Variants in FSTL5 observed in about 807,000 individuals in gnomAD.
FSTL5 encodes the protein follistatin-related protein 5.
A neutral mutation model predicts 89.1 loss-of-function variants in FSTL5; 62 were observed. That is an observed-to-expected ratio of 0.70 (90% CI 0.57 to 0.86). The LOEUF is 0.86. FSTL5 is among the 40% of genes least tolerant of loss of function. The pLI is 0.00. For missense variants in FSTL5, 1,057 were observed against 1,001.6 expected, an observed-to-expected ratio of 1.06 and a Z score of -0.75; for synonymous variants, 383 against 346.2, an observed-to-expected ratio of 1.11 and a Z score of -1.18.
chr4:161,908,421 T>C (rs1342132723), intron 4 of FSTL5, among the ~76,000 whole-genome samples: 6 of 152,148 alleles, frequency 3.9e-5, no homozygotes, highest in African/African-American at 7.2e-5. Context: ...TGTAGCACTT[T>C]GAGCATTTAT....
In FSTL5 at chr4:161,448,643, G is replaced by C. The variant is rs571634264; in HGVS notation, c.1841+6361C>G. Among the ~76,000 whole-genome samples the C allele has an allele frequency of 3.3e-3, 506 of 152,268 alleles. 2 individuals are homozygous for C. Among genetic ancestry groups the C allele is most frequent in the Admixed American group, 6.3e-3 (96 of 15,288 alleles). Reference sequence around the variant, plus strand: ...ATAGACCACTCTCCAGACTGCCGGAGCGGTGTCCGCTACTTACTCTCTCAT... The same window carrying C: ...ATAGACCACTCTCCAGACTGCCGGACCGGTGTCCGCTACTTACTCTCTCAT... On this transcript the variant is annotated intron_variant, in intron 15 of 15. Coordinates refer to ENST00000306100, the MANE Select transcript of FSTL5 (RefSeq NM_020116.5).
chr4:161,936,086 A>G (rs1286788973), intron 3 of FSTL5, among the ~76,000 whole-genome samples: 1 of 152,144 alleles, frequency 6.6e-6, no homozygotes, highest in East Asian at 1.9e-4. Context: ...AGGCTGAGGC[A>G]TGAGATTCGC....
chr4:161,911,154 T>C (rs1035274405), intron 4 of FSTL5, among the ~76,000 whole-genome samples: 8 of 152,176 alleles, frequency 5.3e-5, no homozygotes, highest in Non-Finnish European at 8.8e-5. Flanking sequence ...AAAGTCATTA[T>C]TGATTTATGT....
intron 10 of FSTL5, among the ~76,000 whole-genome samples, chr4:161,511,938 G>A (rs936452095): frequency 6.6e-6 from 1 of 151,940 alleles, no homozygotes; most frequent in Non-Finnish European, 1.5e-5. Flanking sequence ...CGGTGTAGGG[G>A]GCTAGAGAGG....
chr4:161,674,372 T>A (rs778639160), intron 6 of FSTL5, among the ~76,000 whole-genome samples: 20 of 152,108 alleles, frequency 1.3e-4, no homozygotes, highest in Non-Finnish European at 2.9e-4. Flanking sequence ...GCAAGTTATG[T>A]ACAGAATAAA....
intron 3 of FSTL5, among the ~76,000 whole-genome samples, chr4:161,962,256 A>G (rs1735202384): frequency 1.3e-5 from 2 of 152,004 alleles, no homozygotes; most frequent in Admixed American, 6.6e-5. Flanking sequence ...TATAAACATT[A>G]GTAAGATTGT....
Position 161,721,049 on chromosome 4 carries a change from C to T in FSTL5, c.727+38362G>A, listed in dbSNP as rs549768387. Among the ~76,000 whole-genome samples the T allele has an allele frequency of 1.8e-3, 270 of 151,810 alleles. 7 individuals are homozygous for T. The highest frequency in any genetic ancestry group is 4.1e-3 in the East Asian group (21 of 5,148). ...ATCCCAGCACTTTGGGAGGCTGAGG[C>T]GGGTGGATCATGAGGTCAGGAGATC... On this transcript the variant is annotated intron_variant, in intron 6 of 15. Transcript: ENST00000306100.
At chr4:161,778,381 T>A (rs1741499587) in intron 4 of FSTL5, among the ~76,000 whole-genome samples, 1 of 152,204 alleles carries the variant, frequency 6.6e-6, no homozygotes, top group Non-Finnish European at 1.5e-5. Flanking sequence ...ACTTTATAAT[T>A]ATGATCAATT....
chr4:161,662,110 T>A (rs1210006124), intron 6 of FSTL5, among the ~76,000 whole-genome samples: 2 of 152,142 alleles, frequency 1.3e-5, no homozygotes, highest in Non-Finnish European at 2.9e-5. Context: ...ATGGAGTGTG[T>A]CCATCTCTGT....
chr4:161,776,116 A>G (rs769657192), intron 4 of FSTL5, 42 bp from the exon 5 acceptor site: 1 of 981,528 alleles, frequency 1.0e-6, no homozygotes, highest in African/African-American at 1.7e-5. Context: ...ATATTATTGA[A>G]AAGAAATAGT....
At chr4:161,474,585 G>A (rs1452452009) in intron 13 of FSTL5, among the ~76,000 whole-genome samples, 5 of 146,942 alleles carry the variant, frequency 3.4e-5, no homozygotes, top group South Asian at 4.4e-4. Context: ...TCGCTCTCTC[G>A]CTCAGGCTGG....
Position 161,927,195 on chromosome 4 carries a change from G to GTATTT in FSTL5, c.161-6548_161-6544dup, listed in dbSNP as rs1402927496. ...AAATCAATTAACATAAATAAAAATA[G>GTATTT]TATTTTATTTTATATAAATCTATGC... On this transcript the variant is annotated intron_variant, in intron 3 of 15. Transcript: ENST00000306100. Among the ~76,000 whole-genome samples the GTATTT allele has an allele frequency of 2.6e-5, 4 of 151,422 alleles. No homozygotes were observed. The Admixed American group carries it at 2.6e-4, about 10-fold the overall frequency.
intron 7 of FSTL5, among the ~76,000 whole-genome samples, chr4:161,633,320 T>TATTATC (rs1484267051): frequency 1.5e-4 from 22 of 145,190 alleles, no homozygotes; most frequent in Non-Finnish European, 3.0e-5. Flanking sequence ...TTATTATTAT[T>TATTATC]ATTATTATAC....
chr4:161,836,467 A>G (rs568863505), intron 4 of FSTL5, among the ~76,000 whole-genome samples: 3 of 151,926 alleles, frequency 2.0e-5, no homozygotes, highest in Admixed American at 6.6e-5. Context: ...TAATAAAAAA[A>G]AAAAGAAAAG....
At chr4:161,955,731 A>T (rs1735009938) in intron 3 of FSTL5, among the ~76,000 whole-genome samples, 1 of 151,858 alleles carries the variant, frequency 6.6e-6, no homozygotes, top group Admixed American at 6.6e-5. Flanking sequence ...GGAATGCGCA[A>T]GTGAGTCTAG....
At chr4:162,153,661 A>AATATATGTATATAATAAT (rs1554003955) in intron 1 of FSTL5, among the ~76,000 whole-genome samples, 1 of 79,092 alleles carries the variant, frequency 1.3e-5, no homozygotes, top group Non-Finnish European at 2.6e-5. Flanking sequence ...ATATGTATAT[A>AATATATGTATATAATAAT]ATATATGTAT....
chr4:161,468,902 T>C (rs1166855901), intron 13 of FSTL5, among the ~76,000 whole-genome samples: 2 of 152,172 alleles, frequency 1.3e-5, no homozygotes, highest in African/African-American at 4.8e-5. Context: ...ATTAGTATTT[T>C]TTTCATTTTT....
chr4:161,693,874 T>C (rs949222743), intron 6 of FSTL5, among the ~76,000 whole-genome samples: 1 of 151,716 alleles, frequency 6.6e-6, no homozygotes, highest in Non-Finnish European at 1.5e-5. Flanking sequence ...TCCTGACCTC[T>C]TGATCTGCCC....
At chr4:162,108,656 G>A (rs1368403676) in intron 2 of FSTL5, among the ~76,000 whole-genome samples, 1 of 151,534 alleles carries the variant, frequency 6.6e-6, no homozygotes, top group African/African-American at 2.4e-5. Flanking sequence ...TAATGAATAA[G>A]AGAAAATTAA....
Sources: gnomAD v4.1 joint callset for allele counts (sites outside exome capture counted in the v4.1 genomes callset) on GRCh38, gnomAD v4.1.1 for gene constraint, MANE v1.5 for transcripts, NCBI Gene and HGNC (gene_info 2026-07-23, HGNC 2026-07-21) for gene names.